Variants in CBLN2 observed in about 807,000 individuals in gnomAD.
CBLN2 encodes cerebellin-2.
CBLN2 carries 7 observed loss-of-function variants against 15.0 expected under a neutral mutation model. The observed-to-expected ratio is 0.47, with a 90% CI of 0.27 to 0.88. The LOEUF (loss-of-function observed/expected upper bound fraction) is 0.88, where lower values mean the gene tolerates loss of function less well. Ranked by LOEUF, CBLN2 falls within the 40% of genes least tolerant of loss-of-function variation. The pLI is 0.14. For missense variants in CBLN2, 242 were observed against 304.5 expected, an observed-to-expected ratio of 0.79 and a Z score of 1.53; for synonymous variants, 149 against 135.2, an observed-to-expected ratio of 1.10 and a Z score of -0.71.
chr18:72,570,291 T>G (rs888891929), intron 1 of CBLN2, among the ~76,000 whole-genome samples: 8 of 151,892 alleles, frequency 5.3e-5, no homozygotes, highest in East Asian at 1.9e-4. Context: ...GGTTTTTTTT[T>G]TTTTTTTTTT....
At chr18:72,612,650 T>C (rs2069630170) in intron 1 of CBLN2, among the ~76,000 whole-genome samples, 1 of 152,230 alleles carries the variant, frequency 6.6e-6, no homozygotes, top group Admixed American at 6.5e-5. Flanking sequence ...TTCTGTCAAT[T>C]GCTTTAAGGT....
In CBLN2 at chr18:72,604,121, A is replaced by T. The variant is rs563485785; in HGVS notation, c.15+34204T>A. 6.6e-4 allele frequency among the ~76,000 whole-genome samples: 101 copies of T among 152,286 alleles called. 1 individual carries two copies. Among genetic ancestry groups the T allele is most frequent in the Admixed American group, 2.2e-3 (33 of 15,292 alleles). On this transcript the variant is annotated intron_variant, in intron 1 of 2. Transcript: ENST00000581073. Reference sequence around the variant, plus strand: ...GAATTTGAGAATCTGATTTACACTGATCTCTTCTTCCTCAAAGTGTGGTTC... The same window carrying T: ...GAATTTGAGAATCTGATTTACACTGTTCTCTTCTTCCTCAAAGTGTGGTTC...
chr18:72,560,844 TA>T (rs1165084225), intron 1 of CBLN2, among the ~76,000 whole-genome samples: 32 of 151,860 alleles, frequency 2.1e-4, no homozygotes, highest in Middle Eastern at 3.4e-3. Flanking sequence ...CTGTCTCTAC[TA>T]AAAAATACAA....
At chr18:72,598,075 CCCTTCACTGTT>C (rs2069524699) in intron 1 of CBLN2, among the ~76,000 whole-genome samples, 1 of 152,098 alleles carries the variant, frequency 6.6e-6, no homozygotes, top group Non-Finnish European at 1.5e-5. Flanking sequence ...AGACAGAGTC[CCCTTCACTGTT>C]CCTTCTCCTT....
At chr18:72,618,787 T>A in intron 1 of CBLN2, 2 of 733,704 alleles carry the variant, frequency 2.7e-6, no homozygotes, top group Non-Finnish European at 4.9e-6. Flanking sequence ...TGGCCACAAC[T>A]GTAAAGTTAG....
intron 1 of CBLN2, among the ~76,000 whole-genome samples, chr18:72,637,629 G>A (rs993013201): frequency 3.9e-5 from 6 of 152,176 alleles, no homozygotes; most frequent in Non-Finnish European, 8.8e-5. Context: ...TCCACTGGAG[G>A]GGAATTGGTA....
At chr18:72,612,938 T>C (rs1308952349) in intron 1 of CBLN2, among the ~76,000 whole-genome samples, 2 of 152,232 alleles carry the variant, frequency 1.3e-5, no homozygotes, top group African/African-American at 4.8e-5. Context: ...AAGCTGTCAG[T>C]AGGGTTGGTT....
intron 1 of CBLN2, among the ~76,000 whole-genome samples, chr18:72,609,810 G>C (rs1371430825): frequency 6.6e-6 from 1 of 152,194 alleles, no homozygotes; most frequent in East Asian, 1.9e-4. Flanking sequence ...GTCTTCCCAT[G>C]AATGGAAATC....
chr18:72,596,626 C>T (rs2069515685), intron 1 of CBLN2, among the ~76,000 whole-genome samples: 1 of 152,114 alleles, frequency 6.6e-6, no homozygotes, highest in South Asian at 2.1e-4. Context: ...AAGCCCTTAG[C>T]TTTTGTTTGT....
chr18:72,564,830 A>G (rs2069283815), intron 1 of CBLN2, among the ~76,000 whole-genome samples: 2 of 149,088 alleles, frequency 1.3e-5, no homozygotes, highest in South Asian at 4.2e-4. Flanking sequence ...TCAACCCAAA[A>G]AGATACTCTC....
intron 1 of CBLN2, among the ~76,000 whole-genome samples, chr18:72,572,578 A>G (rs2069339151): frequency 6.6e-6 from 1 of 152,134 alleles, no homozygotes; most frequent in Non-Finnish European, 1.5e-5. Flanking sequence ...AACTTGAATT[A>G]TCATCAGTTT....
chr18:72,549,656 T>C (rs563037671), intron 1 of CBLN2, among the ~76,000 whole-genome samples: 2 of 152,360 alleles, frequency 1.3e-5, no homozygotes, highest in South Asian at 4.1e-4. Context: ...GAAATCATGA[T>C]TGTGTTAAAA....
At chr18:72,618,411 C>T in intron 1 of CBLN2, 1 of 597,302 alleles carries the variant, frequency 1.7e-6, no homozygotes, top group Non-Finnish European at 3.1e-6. Context: ...CTTGAGAGAT[C>T]CAAACACCAA....
chr18:72,587,201 A>G (rs1483824526), intron 1 of CBLN2, among the ~76,000 whole-genome samples: 1 of 152,046 alleles, frequency 6.6e-6, no homozygotes, highest in Non-Finnish European at 1.5e-5. Flanking sequence ...AGGTGGTGAT[A>G]TTTTCAAGAT....
intron 1 of CBLN2, among the ~76,000 whole-genome samples, chr18:72,615,070 T>TATAA (rs1177791714): frequency 5.8e-5 from 8 of 138,172 alleles, no homozygotes; most frequent in Non-Finnish European, 1.1e-4. Context: ...TATATATATT[T>TATAA]ATATATTATA....
intron 1 of CBLN2, among the ~76,000 whole-genome samples, chr18:72,565,195 T>G (rs1176911666): frequency 6.6e-6 from 1 of 152,160 alleles, no homozygotes; most frequent in Non-Finnish European, 1.5e-5. Context: ...CATATGAAAG[T>G]ATAAAATTCA....
intron 1 of CBLN2, among the ~76,000 whole-genome samples, chr18:72,620,020 G>A (rs992392833): frequency 7.2e-5 from 11 of 152,212 alleles, no homozygotes; most frequent in Non-Finnish European, 1.5e-4. Context: ...GCAAGTAAGC[G>A]ACCCAGCTGT....
chr18:72,573,290 C>T (rs1029722689), intron 1 of CBLN2, among the ~76,000 whole-genome samples: 23 of 152,192 alleles, frequency 1.5e-4, no homozygotes, highest in African/African-American at 5.3e-4. Context: ...GGAAGGTAGA[C>T]GTATCTATCA....
At chr18:72,578,506 A>G (rs1433426856) in intron 1 of CBLN2, among the ~76,000 whole-genome samples, 3 of 152,206 alleles carry the variant, frequency 2.0e-5, no homozygotes, top group Admixed American at 2.0e-4. Flanking sequence ...ACCGCTGGTG[A>G]AGATCATCAT....
Sources: allele counts gnomAD v4.1 joint callset (sites outside exome capture counted in the v4.1 genomes callset), GRCh38; gene constraint gnomAD v4.1.1; transcripts MANE v1.5; gene names NCBI Gene and HGNC (gene_info 2026-07-23, HGNC 2026-07-21).